Variants in CLTRN observed in about 807,000 individuals in gnomAD.
CLTRN encodes the protein collectrin, amino acid transport regulator.
Under a neutral mutation model 14.5 loss-of-function variants are expected in CLTRN, and 12 were observed. The ratio of observed to expected loss-of-function variants is 0.83; its 90% confidence interval spans 0.53 to 1.34. The LOEUF (loss-of-function observed/expected upper bound fraction) is 1.34, where lower values mean the gene tolerates loss of function less well. Among genes scored for constraint, CLTRN ranks in the 40% most tolerant of loss-of-function variants. CLTRN has a pLI of 0.00. For missense variants in CLTRN, 154 were observed against 165.1 expected, an observed-to-expected ratio of 0.93 and a Z score of 0.37; for synonymous variants, 58 against 56.5, an observed-to-expected ratio of 1.03 and a Z score of -0.12.
intron 5 of CLTRN, among the ~76,000 whole-genome samples, chrX:15,635,896 T>C (rs1273058457): frequency 5.4e-5 from 6 of 111,512 alleles, no homozygotes; most frequent in Non-Finnish European, 9.4e-5. Context: ...AGGATGTCAA[T>C]AGAAAATTTT....
chrX:15,647,089 C>A (rs1929100305), intron 3 of CLTRN, among the ~76,000 whole-genome samples: 1 of 112,647 alleles, frequency 8.9e-6, no homozygotes, highest in Non-Finnish European at 1.9e-5. Context: ...GGCTTGCCTG[C>A]ACCTGGAAGG....
At chrX:15,671,255 T>A (rs966873556) in intron 1 of CLTRN, among the ~76,000 whole-genome samples, 10 of 111,803 alleles carry the variant, frequency 8.9e-5, no homozygotes, top group African/African-American at 3.3e-4. Flanking sequence ...GACAAGTCAA[T>A]TATAAAACTG....
intron 4 of CLTRN, among the ~76,000 whole-genome samples, chrX:15,642,926 C>CAAAAA (rs58097600): frequency 1.2e-5 from 1 of 83,568 alleles, no homozygotes; most frequent in Non-Finnish European, 2.5e-5. Context: ...CCTGTCTCTA[C>CAAAAA]AAAAAAAAAA....
chrX:15,657,133 G>C (rs1232137405), intron 3 of CLTRN, among the ~76,000 whole-genome samples: 2 of 110,352 alleles, frequency 1.8e-5, no homozygotes, highest in East Asian at 5.7e-4. Flanking sequence ...TGGGACTATT[G>C]GTGTGTGCCA....
chrX:15,646,821 G>A (rs1929089516), intron 3 of CLTRN: 1 of 326,126 alleles, frequency 3.1e-6, no homozygotes, highest in Admixed American at 3.2e-5. Context: ...TCCGCAGCCT[G>A]GTAACCATGA....
rs761117224 is a variant in CLTRN at position 15,659,047 on chromosome X, T to C, written c.172A>G (p.Met58Val). The change falls in exon 3 of 6, where the codon ATG becomes GTG. Residue 58 changes from methionine to valine, a missense_variant. By Grantham distance (21) the Met-to-Val change is conservative. Transcript: ENST00000380342. ...GCTTCTCTGTTGGGAACTTTTCTCA[T>C]GGAGAAAGCTACCATCGCTTTGAAG... ...YLFKAMVAFS[M>V]RKVPNREATE... The C allele has an allele frequency of 2.5e-6, 3 of 1,180,418 alleles. No homozygotes were observed. Among genetic ancestry groups the C allele is most frequent in the Admixed American group, 4.5e-5 (2 of 44,912 alleles).
At chrX:15,662,545 G>A (rs1449225214) in intron 2 of CLTRN, among the ~76,000 whole-genome samples, 1 of 109,711 alleles carries the variant, frequency 9.1e-6, no homozygotes, top group Admixed American at 9.5e-5. Context: ...CTGTTGTTTT[G>A]CAACAGCAAA....
At chrX:15,649,310 G>A (rs1196853836) in intron 3 of CLTRN, among the ~76,000 whole-genome samples, 2 of 111,678 alleles carry the variant, frequency 1.8e-5, no homozygotes, top group African/African-American at 6.5e-5. Context: ...TCCAATGGGT[G>A]GCAACTCATA....
intron 3 of CLTRN, among the ~76,000 whole-genome samples, chrX:15,655,947 A>T (rs899447892): frequency 8.9e-6 from 1 of 111,827 alleles, no homozygotes; most frequent in African/African-American, 3.3e-5. Context: ...CTCGTAAGGA[A>T]TGGGGACCAA....
chrX:15,640,511 A>T (rs1213030822), intron 4 of CLTRN, among the ~76,000 whole-genome samples: 1 of 112,509 alleles, frequency 8.9e-6, no homozygotes, highest in Non-Finnish European at 1.9e-5. Context: ...CAGAATCCTC[A>T]TGGGCTAAGC....
chrX:15,669,847 C>A (rs1404282776), intron 1 of CLTRN, among the ~76,000 whole-genome samples: 1 of 112,070 alleles, frequency 8.9e-6, no homozygotes, highest in African/African-American at 3.2e-5. Flanking sequence ...ACTGTAAAAC[C>A]ATCTCAAATG....
chrX:15,645,753 A>G, intron 3 of CLTRN, among the ~76,000 whole-genome samples: 1 of 112,346 alleles, frequency 8.9e-6, no homozygotes, highest in East Asian at 2.8e-4. Context: ...GAGAGAGACA[A>G]TCTATACATG....
chrX:15,664,760 A>T lies in CLTRN; in HGVS notation c.16T>A (p.Phe6Ile), dbSNP rs368563346. Residue 6 changes from phenylalanine (F) to isoleucine (I), a missense_variant, in exon 1 of 6, where the codon TTT becomes ATT. By Grantham distance (21) the Phe-to-Ile change is conservative. Coordinates refer to ENST00000380342, the MANE Select transcript of CLTRN (RefSeq NM_020665.6). ...GCATGAATGGCAGTCACCAGAAAAA[A>T]GAGCAGCCACAACATTCTTTCAGGG... MLWLLFFLVTAIHAEL... is the reference protein window; with the variant it reads MLWLLIFLVTAIHAEL... The T allele has an allele frequency of 4.1e-6, 5 of 1,208,443 alleles. No individual in the cohort carries two copies. The South Asian group carries it at 7.1e-5, about 17-fold the overall frequency.
chrX:15,651,168 C>A (rs369892763), intron 3 of CLTRN, among the ~76,000 whole-genome samples: 1 of 111,624 alleles, frequency 9.0e-6, no homozygotes, highest in African/African-American at 3.3e-5. Flanking sequence ...CCTCAATAGA[C>A]AGGCCTCTGG....
chrX:15,640,556 C>T (rs969023098), intron 4 of CLTRN, among the ~76,000 whole-genome samples: 1 of 112,720 alleles, frequency 8.9e-6, no homozygotes, highest in African/African-American at 3.2e-5. Context: ...GTGTGAGTAG[C>T]ATCTAGATTA....
At chrX:15,649,343 A>T (rs1929163479) in intron 3 of CLTRN, among the ~76,000 whole-genome samples, 1 of 112,267 alleles carries the variant, frequency 8.9e-6, no homozygotes, top group Admixed American at 9.4e-5. Flanking sequence ...ACCTCAGCAA[A>T]TAAAATGAAA....
chrX:15,653,080 C>CA (rs1379470010), intron 3 of CLTRN, among the ~76,000 whole-genome samples: 79 of 105,855 alleles, frequency 7.5e-4, no homozygotes, highest in Non-Finnish European at 1.3e-3. Flanking sequence ...GACTCCATCT[C>CA]AAAAAAAAAC....
At chrX:15,635,636 A>ATAGAT (rs1308813648) in intron 5 of CLTRN, among the ~76,000 whole-genome samples, 6 of 112,012 alleles carry the variant, frequency 5.4e-5, no homozygotes, top group Non-Finnish European at 1.1e-4. Context: ...TCAACTCAAA[A>ATAGAT]TAGATTAAAG....
intron 3 of CLTRN, among the ~76,000 whole-genome samples, chrX:15,653,580 A>G (rs188714740): frequency 9.0e-6 from 1 of 110,951 alleles, no homozygotes; most frequent in African/African-American, 3.3e-5. Context: ...TTTCCTCATT[A>G]GCGTTCCCAT....
Sources: allele counts gnomAD v4.1 joint callset (sites outside exome capture counted in the v4.1 genomes callset), GRCh38; gene constraint gnomAD v4.1.1; transcripts MANE v1.5; gene names NCBI Gene and HGNC (gene_info 2026-07-23, HGNC 2026-07-21).